Variants in RPA1 observed in about 807,000 individuals in gnomAD.
The protein encoded by RPA1 is replication protein A1.
RPA1 carries 49 observed loss-of-function variants against 83.0 expected under a neutral mutation model. The observed-to-expected ratio is 0.59, with a 90% CI of 0.47 to 0.75. The LOEUF (loss-of-function observed/expected upper bound fraction) is 0.75, where lower values mean the gene tolerates loss of function less well. Ranked by LOEUF, RPA1 falls within the 30% of genes least tolerant of loss-of-function variation. The pLI is 0.00. For missense variants in RPA1, 693 were observed against 776.1 expected (o/e 0.89, Z 1.27); for synonymous variants, 279 against 281.8 (o/e 0.99, Z 0.10).
chr17:1,874,012 A>AATATATATAT (rs1180376121), intron 6 of RPA1, among the ~76,000 whole-genome samples: 9 of 93,826 alleles, frequency 9.6e-5, no homozygotes, highest in African/African-American at 4.6e-4. Flanking sequence ...AAAAAAAAAA[A>AATATATATAT]ATATATATAT....
chr17:1,856,076 C>T (rs1912680841), intron 5 of RPA1, among the ~76,000 whole-genome samples: 1 of 152,038 alleles, frequency 6.6e-6, no homozygotes, highest in Non-Finnish European at 1.5e-5. Flanking sequence ...GTAATCCCAA[C>T]ACCTTGGGAG....
chr17:1,879,922 A>G (rs750606478), intron 11 of RPA1, among the ~76,000 whole-genome samples: 1 of 147,690 alleles, frequency 6.8e-6, no homozygotes, highest in African/African-American at 2.5e-5. Context: ...TTCAGCACAC[A>G]CAGGAGGAGC....
chr17:1,849,613 A>AT (rs778444121), intron 4 of RPA1, among the ~76,000 whole-genome samples: 31 of 139,936 alleles, frequency 2.2e-4, no homozygotes, highest in African/African-American at 6.1e-4. Flanking sequence ...CATATTTGTC[A>AT]TTTTGTTTTT....
chr17:1,859,528 G>A (rs1360901534), intron 5 of RPA1, among the ~76,000 whole-genome samples: 1 of 152,132 alleles, frequency 6.6e-6, no homozygotes, highest in African/African-American at 2.4e-5. Flanking sequence ...CACTTGATGA[G>A]TTGACTCTTA....
At chr17:1,871,550 T>C (rs184008005) in intron 5 of RPA1, among the ~76,000 whole-genome samples, 2 of 152,312 alleles carry the variant, frequency 1.3e-5, no homozygotes, top group Non-Finnish European at 2.9e-5. Flanking sequence ...GCAAGTACCC[T>C]TGGTGAGCTG....
chr17:1,872,346 A>G, intron 5 of RPA1, 88 bp from the exon 6 acceptor site: 1 of 1,527,744 alleles, frequency 6.5e-7, no homozygotes, highest in Non-Finnish European at 8.8e-7. Context: ...AAAAATTTAC[A>G]CTTTCCCAGA....
intron 5 of RPA1, among the ~76,000 whole-genome samples, chr17:1,871,697 G>C (rs904011307): frequency 6.6e-6 from 1 of 152,192 alleles, no homozygotes; most frequent in Admixed American, 6.5e-5. Context: ...TGTGTAAAGA[G>C]TGATGGCAAA....
intron 1 of RPA1, among the ~76,000 whole-genome samples, chr17:1,841,503 C>T (rs540441902): frequency 1.1e-4 from 16 of 152,198 alleles, no homozygotes; most frequent in Admixed American, 7.2e-4. Context: ...AGGGTTTCAC[C>T]ATGTTGGCCA....
intron 16 of RPA1, among the ~76,000 whole-genome samples, chr17:1,896,683 T>C (rs914325943): frequency 5.3e-5 from 8 of 152,226 alleles, no homozygotes; most frequent in Non-Finnish European, 1.2e-4. Context: ...TCAGCTTTTC[T>C]TGAAATGAAA....
chr17:1,881,623 T>G (rs1448930204), intron 12 of RPA1, among the ~76,000 whole-genome samples: 3 of 152,226 alleles, frequency 2.0e-5, no homozygotes, highest in Non-Finnish European at 2.9e-5. Flanking sequence ...TCTTTTAGGC[T>G]CTGGAGTTCG....
intron 16 of RPA1, among the ~76,000 whole-genome samples, chr17:1,896,126 A>T (rs576046268): frequency 3.9e-4 from 59 of 152,364 alleles, no homozygotes; most frequent in African/African-American, 1.3e-3. Context: ...AAGGAATTAC[A>T]TACAGAGAGA....
intron 4 of RPA1, among the ~76,000 whole-genome samples, chr17:1,845,981 C>T (rs911567938): frequency 1.6e-4 from 24 of 152,188 alleles, no homozygotes; most frequent in African/African-American, 5.8e-4. Flanking sequence ...AAAATGATAA[C>T]AATACTAAGA....
chr17:1,852,873 C>T (rs1022276020), intron 4 of RPA1, among the ~76,000 whole-genome samples: 3 of 152,126 alleles, frequency 2.0e-5, no homozygotes, highest in African/African-American at 7.2e-5. Context: ...CTTGAAGATA[C>T]GGTGCGTAGC....
intron 14 of RPA1, among the ~76,000 whole-genome samples, chr17:1,889,514 A>C (rs936843136): frequency 6.6e-6 from 1 of 151,930 alleles, no homozygotes; most frequent in Non-Finnish European, 1.5e-5. Context: ...TTTTAAAATT[A>C]TTTTATTGTA....
chr17:1,874,032 T>TATATATATATATATAC (rs1171343408), intron 6 of RPA1, among the ~76,000 whole-genome samples: 12 of 79,250 alleles, frequency 1.5e-4, no homozygotes, highest in African/African-American at 7.5e-4. Context: ...TATATATATA[T>TATATATATATATATAC]ACACACACAC....
chr17:1,881,685 T>C (rs975944043), intron 12 of RPA1, among the ~76,000 whole-genome samples: 3 of 152,192 alleles, frequency 2.0e-5, no homozygotes, highest in Middle Eastern at 3.2e-3. Context: ...ACATTAAAAT[T>C]GCATTCCCAC....
chr17:1,888,086 G>A (rs996980256), intron 13 of RPA1, among the ~76,000 whole-genome samples: 12 of 152,198 alleles, frequency 7.9e-5, no homozygotes, highest in South Asian at 4.1e-4. Flanking sequence ...ATAAAGTGAG[G>A]TGTGTCTGTA....
chr17:1,897,309 C>G lies in RPA1; in HGVS notation c.*134C>G. On this transcript the variant is annotated 3_prime_UTR_variant, in exon 17 of 17. Transcript: ENST00000254719. Reference sequence around the variant, plus strand: ...GATGGTGGACTAAGCAATTTCCCCCCTCGTGCGCATCTCAGAACCCATCGG... The same window carrying G: ...GATGGTGGACTAAGCAATTTCCCCCGTCGTGCGCATCTCAGAACCCATCGG... The G allele has an allele frequency of 1.5e-6, 1 of 662,864 alleles. No homozygotes were observed. Among genetic ancestry groups the G allele is most frequent in the Non-Finnish European group, 2.6e-6 (1 of 385,746 alleles). The allele number at this position is 662,864 out of a possible 1,614,324, so 41.1% of individuals were successfully genotyped here.
chr17:1,896,018 G>T (rs1030827011), intron 16 of RPA1, among the ~76,000 whole-genome samples: 3 of 152,118 alleles, frequency 2.0e-5, no homozygotes, highest in East Asian at 3.9e-4. Context: ...ATTGAGCATG[G>T]TCTGCCAGGT....
Sources: gnomAD v4.1 joint callset for allele counts (sites outside exome capture counted in the v4.1 genomes callset) on GRCh38, gnomAD v4.1.1 for gene constraint, MANE v1.5 for transcripts, NCBI Gene and HGNC (gene_info 2026-07-23, HGNC 2026-07-21) for gene names.